The following RAG1 variants were observed in gnomAD, a reference collection of about 807,000 sequenced individuals.
RAG1 encodes V(D)J recombination-activating protein 1.
A neutral mutation model predicts 62.7 loss-of-function variants in RAG1; 35 were observed. That is an observed-to-expected ratio of 0.56 (90% CI 0.43 to 0.74). RAG1 has a LOEUF of 0.74. Ranked by LOEUF, RAG1 falls within the 30% of genes least tolerant of loss-of-function variation. The probability of loss-of-function intolerance (pLI) is 0.00; values close to 1 mark genes in which losing one functional copy is unlikely to be tolerated. For synonymous variants in RAG1, 461 were observed against 470.3 expected (o/e 0.98, Z 0.26); for missense variants, 1,169 against 1,278.6 (o/e 0.91, Z 1.31).
At chr11:36,569,834 G>T (rs1235329622) in intron 1 of RAG1, among the ~76,000 whole-genome samples, 1 of 152,090 alleles carries the variant, frequency 6.6e-6, no homozygotes, top group Non-Finnish European at 1.5e-5. Context: ...CAGAATTCCT[G>T]TGATTTCATA....
At chr11:36,528,207 A>T (rs1043697496) in intron 2 of RAG1, among the ~76,000 whole-genome samples, 2 of 152,170 alleles carry the variant, frequency 1.3e-5, no homozygotes, top group Non-Finnish European at 1.5e-5. Context: ...TCAGCACCAC[A>T]TCACACTTAT....
intron 1 of RAG1, among the ~76,000 whole-genome samples, chr11:36,511,361 GGA>G (rs1859919112): frequency 6.6e-6 from 1 of 152,146 alleles, no homozygotes; most frequent in Admixed American, 6.5e-5. Context: ...GGCTGAGGTG[GGA>G]GGATGGCTTG....
In RAG1 at chr11:36,568,096, CT is replaced by C. The variant is rs1474967973; in HGVS notation, c.-38del. The stretch of plus-strand genomic sequence containing the variant: ...CAACCAAATTGCAGACATCTCAACA[CT>C]TTGGCCAGGCAGCCTGCTGAGCAAG... On this transcript the variant is annotated 5_prime_UTR_variant, in exon 1 of 2. Transcript: ENST00000299440. 1 of 152,224 alleles carries C rather than the reference CT, an allele frequency of 6.6e-6. No homozygotes were observed. Among genetic ancestry groups the C allele is most frequent in the Admixed American group, 6.5e-5 (1 of 15,288 alleles). 9.4% of individuals were successfully genotyped at this position (152,224 alleles called of 1,614,324 possible).
intron 3 of RAG1, among the ~76,000 whole-genome samples, chr11:36,545,040 A>G (rs770253873): frequency 1.3e-5 from 2 of 152,236 alleles, no homozygotes; most frequent in Non-Finnish European, 2.9e-5. Flanking sequence ...CAATGGTTGC[A>G]TTACATTCCG....
chr11:36,572,983 G>A (rs1269618555), intron 1 of RAG1, among the ~76,000 whole-genome samples: 1 of 152,166 alleles, frequency 6.6e-6, no homozygotes, highest in East Asian at 1.9e-4. Flanking sequence ...GACCCTTGGG[G>A]AGGCAAAGAT....
rs182314270 is a variant in RAG1 at position 36,531,271 on chromosome 11, T to A, written n.429-4688T>A. On this transcript the variant is annotated intron_variant and non_coding_transcript_variant, in intron 2 of 2. Transcript: ENST00000529126. ...GGACAACATATAGTTGAATGTTTTT[T>A]AATCCACTTTGTCAATCTCTGTCTT... Among the ~76,000 whole-genome samples the A allele has an allele frequency of 2.4e-3, 366 of 152,142 alleles. 1 individual carries two copies. The highest frequency in any genetic ancestry group is 6.8e-3 in the Middle Eastern group (2 of 294).
chr11:36,544,779 C>T (rs1246445696), intron 3 of RAG1, among the ~76,000 whole-genome samples: 4 of 152,172 alleles, frequency 2.6e-5, no homozygotes, highest in South Asian at 4.1e-4. Context: ...TGGATCATGG[C>T]GGGGCTTCCC....
In RAG1 at chr11:36,574,491, G is replaced by A. The variant is rs104894291; in HGVS notation, c.1187G>A (p.Arg396His). The A allele has an allele frequency of 1.5e-5, 24 of 1,614,098 alleles. No individual in the cohort carries two copies. The highest frequency in any genetic ancestry group is 1.6e-4 in the Middle Eastern group (1 of 6,084). The change falls in exon 2 of 2, where the codon CGC (arginine) becomes CAC (histidine). Residue 396 changes from arginine (R) to histidine (H), a missense_variant. Transcript: ENST00000299440. ...FVHINKGGRP[R>H]QHLLSLTRRA... ...CACATTAATAAAGGGGGCCGGCCCC[G>A]CCAACATCTTCTGTCGCTGACTCGG...
At chr11:36,545,913 C>G (rs1284728690) in intron 3 of RAG1, among the ~76,000 whole-genome samples, 1 of 152,172 alleles carries the variant, frequency 6.6e-6, no homozygotes, top group African/African-American at 2.4e-5. Context: ...GAATGAGTTT[C>G]TTAATCCTGA....
At chr11:36,548,762 GAA>G (rs1564982149) in intron 3 of RAG1, among the ~76,000 whole-genome samples, 1 of 152,024 alleles carries the variant, frequency 6.6e-6, no homozygotes, top group Non-Finnish European at 1.5e-5. Flanking sequence ...CACAGAATTG[GAA>G]AAAACTACTT....
At chr11:36,512,113 A>G (rs1029885492) in intron 1 of RAG1, among the ~76,000 whole-genome samples, 1 of 152,214 alleles carries the variant, frequency 6.6e-6, no homozygotes, top group Non-Finnish European at 1.5e-5. Context: ...GTGCTCATCC[A>G]TGCCTTGGGC....
Position 36,576,335 on chromosome 11 carries a change from G to T in RAG1, c.3031G>T (p.Ala1011Ser). The T allele has an allele frequency of 6.2e-7, 1 of 1,614,102 alleles. No homozygotes were observed. Among genetic ancestry groups the T allele is most frequent in the Non-Finnish European group, 8.5e-7 (1 of 1,180,016 alleles). ...YLQKFMNAHN[A>S]LKTSGFTMNP... is the part of the protein sequence containing the mutation. The stretch of plus-strand genomic sequence containing the variant: ...CCAGAAGTTTATGAATGCTCATAAT[G>T]CATTAAAAACCTCTGGGTTTACCAT... Residue 1011 changes from alanine (A) to serine (S), a missense_variant, in exon 2 of 2, where the codon GCA becomes TCA. Ala to Ser is a moderately conservative substitution (Grantham distance 99). Around this residue, in one of 2 missense-constraint regions of RAG1, gnomAD observed 800 missense variants for 943.3 expected, o/e 0.85. Coordinates refer to ENST00000299440, the MANE Select transcript of RAG1 (RefSeq NM_000448.3).
chr11:36,534,178 A>G (rs1282573164), intron 2 of RAG1, among the ~76,000 whole-genome samples: 1 of 152,146 alleles, frequency 6.6e-6, no homozygotes, highest in Non-Finnish European at 1.5e-5. Context: ...AGCAATTTAA[A>G]TTATAAGCAA....
chr11:36,575,769 C>G lies in RAG1; in HGVS notation c.2465C>G (p.Pro822Arg), dbSNP rs1389160082. Residue 822 changes from proline to arginine, a missense_variant, in exon 2 of 2, where the codon CCC (proline) becomes CGC (arginine). Pro to Arg is a moderately radical substitution (Grantham distance 103). Coordinates refer to ENST00000299440, the MANE Select transcript of RAG1 (RefSeq NM_000448.3). This position sits in a 1 kb window ranked among gnomAD's most constrained non-coding sequence, Gnocchi z 4.1. ...QLEIGEVYKN[P>R]NASKEERKRW... ...GAGATAGGGGAAGTGTATAAGAATC[C>G]CAATGCTTCCAAAGAGGAAAGGAAA... 1 of 1,614,020 alleles carries G rather than the reference C, an allele frequency of 6.2e-7. No individual in the cohort carries two copies. Among genetic ancestry groups the G allele is most frequent in the Non-Finnish European group, 8.5e-7 (1 of 1,180,036 alleles).
In RAG1 at chr11:36,574,670, G is replaced by A; in HGVS notation, c.1366G>A (p.Ala456Thr). The A allele has an allele frequency of 6.2e-7, 1 of 1,614,234 alleles. No individual in the cohort carries two copies. Among genetic ancestry groups the A allele is most frequent in the Non-Finnish European group, 8.5e-7 (1 of 1,180,048 alleles). The change falls in exon 2 of 2, where the codon GCC (alanine) becomes ACC (threonine). Residue 456 changes from alanine to threonine, a missense_variant. Ala to Thr is a moderately conservative substitution (Grantham distance 58). This residue lies in a region of RAG1 where 800 missense variants were observed against 943.3 expected (regional missense o/e 0.85). Transcript: ENST00000299440. ...NEHRQADELE[A>T]IMQGKGSGLQ... is the part of the protein sequence containing the mutation. ...GCACAGGCAAGCTGATGAGCTGGAGGCCATCATGCAGGGAAAGGGCTCTGG... is the reference window on the plus strand; with the variant it reads ...GCACAGGCAAGCTGATGAGCTGGAGACCATCATGCAGGGAAAGGGCTCTGG...
chr11:36,572,887 A>T (rs1272408973), intron 1 of RAG1, among the ~76,000 whole-genome samples: 1 of 152,220 alleles, frequency 6.6e-6, no homozygotes, highest in South Asian at 2.1e-4. Context: ...TACAATGTGG[A>T]AAATATTACT....
chr11:36,526,925 G>T (rs1438137630), intron 2 of RAG1, among the ~76,000 whole-genome samples: 1 of 152,078 alleles, frequency 6.6e-6, no homozygotes, highest in Non-Finnish European at 1.5e-5. Context: ...TTTTTGATGG[G>T]GTTGTTTCTC....
intron 1 of RAG1, among the ~76,000 whole-genome samples, chr11:36,519,722 T>C (rs1002087551): frequency 6.6e-6 from 1 of 152,198 alleles, no homozygotes; most frequent in African/African-American, 2.4e-5. Flanking sequence ...GTGTTCCATC[T>C]GGCTCTTGGT....
intron 1 of RAG1, among the ~76,000 whole-genome samples, chr11:36,571,656 C>G (rs1245364101): frequency 1.3e-5 from 2 of 152,142 alleles, no homozygotes; most frequent in African/African-American, 4.8e-5. Flanking sequence ...GCTCTGTCAT[C>G]CAGGCTGGGT....
Sources: allele counts gnomAD v4.1 joint callset (sites outside exome capture counted in the v4.1 genomes callset), GRCh38; gene constraint gnomAD v4.1.1; regional missense constraint gnomAD v4.1.1; non-coding constraint Gnocchi (gnomAD v3.1); transcripts MANE v1.5; gene names NCBI Gene and HGNC (gene_info 2026-07-23, HGNC 2026-07-21).